The following OOEP variants were observed in gnomAD, a reference collection of about 807,000 sequenced individuals.
The protein encoded by OOEP is oocyte expressed protein, also known as oocyte-expressed protein homolog.
Under a neutral mutation model 13.7 loss-of-function variants are expected in OOEP, and 16 were observed. The ratio of observed to expected loss-of-function variants is 1.16; its 90% CI spans 0.79 to 1.77. OOEP has a LOEUF of 1.77. Ranked by LOEUF, OOEP falls within the 40% of genes most tolerant of loss-of-function variation. The pLI is 0.00. For synonymous variants in OOEP, 89 were observed against 77.1 expected, an observed-to-expected ratio of 1.15 and a Z score of -0.81; for missense variants, 195 against 193.1, an observed-to-expected ratio of 1.01 and a Z score of -0.06.
At chr6:73,394,354 G>A (rs749525825) in exon 2 of OOEP, 48 of 715,362 alleles carry the variant, frequency 6.7e-5, no homozygotes, top group Admixed American at 3.0e-4. Context: ...ACCTTTATGG[G>A]TCACGGTTGA....
At chr6:73,381,575 T>G (rs1769209330) in intron 2 of OOEP, among the ~76,000 whole-genome samples, 1 of 152,212 alleles carries the variant, frequency 6.6e-6, no homozygotes, top group African/African-American at 2.4e-5. Context: ...GACACTACTT[T>G]GCATAGGACT....
At chr6:73,373,386 A>G (rs1582624818), upstream of OOEP, 4 of 973,180 alleles carry the variant, frequency 4.1e-6, no homozygotes, top group East Asian at 1.0e-4. Context: ...GTGCAGTGGC[A>G]CGATCTCAGC....
At chr6:73,368,987 C>A (rs1308022280) in intron 2 of OOEP, 124 bp from the exon 3 acceptor site, 2 of 850,922 alleles carry the variant, frequency 2.4e-6, no homozygotes, top group South Asian at 1.5e-5. Context: ...CCAGGTGAGG[C>A]TGACTTGGGC....
chr6:73,378,137 C>G (rs1769157995), intron 2 of OOEP, among the ~76,000 whole-genome samples: 1 of 151,226 alleles, frequency 6.6e-6, no homozygotes. Context: ...GTATCTCACT[C>G]TGACACCCAG....
intron 2 of OOEP, among the ~76,000 whole-genome samples, chr6:73,380,535 AACT>A (rs1433604397): frequency 6.6e-6 from 1 of 152,178 alleles, no homozygotes; most frequent in Non-Finnish European, 1.5e-5. Context: ...AAAATTAATA[AACT>A]ACTCCCAACA....
chr6:73,394,891 C>A (rs755608861), exon 1 of OOEP: 61 of 1,613,218 alleles, frequency 3.8e-5, no homozygotes, highest in Non-Finnish European at 4.9e-5. Flanking sequence ...GTCGGACGCG[C>A]CCCTTCTTGG....
intron 2 of OOEP, among the ~76,000 whole-genome samples, chr6:73,375,542 T>C (rs1419899016): frequency 6.6e-6 from 1 of 151,604 alleles, no homozygotes; most frequent in Non-Finnish European, 1.5e-5. Flanking sequence ...ATGGCACCAT[T>C]GCACTCCAGC....
intron 2 of OOEP, among the ~76,000 whole-genome samples, chr6:73,379,285 A>G (rs945535452): frequency 1.3e-5 from 2 of 150,352 alleles, no homozygotes; most frequent in Middle Eastern, 3.4e-3. Flanking sequence ...CAGCCTCCCA[A>G]AGTGCTAGGA....
chr6:73,368,582 T>C lies in OOEP; in HGVS notation c.*202A>G, dbSNP rs1234117345. On this transcript the variant is annotated 3_prime_UTR_variant, in exon 3 of 3. Coordinates refer to ENST00000370359, the MANE Select transcript of OOEP (RefSeq NM_001080507.3). ...TTATAAATTTGCTTTATTATAAGTG[T>C]GTGAAGATCTTAATGCTTTTGGCAA... 3.8e-6 allele frequency: 2 copies of C among 526,594 alleles called. No individual in the cohort carries two copies. Among genetic ancestry groups the C allele is most frequent in the Admixed American group, 3.2e-5 (1 of 31,230 alleles). The allele number at this position is 526,594 out of a possible 1,614,324, so 32.6% of individuals were successfully genotyped here.
chr6:73,373,379 C>T (rs1315290935), upstream of OOEP: 6 of 1,035,402 alleles, frequency 5.8e-6, no homozygotes, highest in Non-Finnish European at 8.9e-6. Flanking sequence ...GGCTAGAGTG[C>T]AGTGGCACGA....
intron 2 of OOEP, among the ~76,000 whole-genome samples, chr6:73,385,023 A>G (rs1027278711): frequency 2.7e-5 from 4 of 148,488 alleles, no homozygotes; most frequent in Admixed American, 2.7e-4. Context: ...AGGTGTAGCC[A>G]CCACACCCAG....
intron 2 of OOEP, among the ~76,000 whole-genome samples, chr6:73,389,587 T>A (rs925863787): frequency 2.0e-5 from 3 of 151,926 alleles, no homozygotes; most frequent in African/African-American, 7.3e-5. Context: ...CAACTCATTT[T>A]GCTCTATGTT....
chr6:73,377,736 C>T (rs1166146891), intron 2 of OOEP, among the ~76,000 whole-genome samples: 2 of 151,756 alleles, frequency 1.3e-5, no homozygotes, highest in African/African-American at 4.8e-5. Context: ...GGCATAATCA[C>T]AGCTCACTGT....
At chr6:73,371,633 C>T (rs1201984721), upstream of OOEP, among the ~76,000 whole-genome samples, 1 of 152,070 alleles carries the variant, frequency 6.6e-6, no homozygotes, top group East Asian at 1.9e-4. Context: ...GCCTATAATC[C>T]CAGCTACTCA....
chr6:73,390,156 C>T (rs1769327618), intron 2 of OOEP, among the ~76,000 whole-genome samples: 1 of 151,956 alleles, frequency 6.6e-6, no homozygotes, highest in Admixed American at 6.6e-5. Flanking sequence ...TCCAGCCTGG[C>T]CCACAGGGAA....
rs968464345 is a variant in OOEP, at chr6:73,368,714, A to G, written c.*70T>C. The G allele has an allele frequency of 3.0e-6, 3 of 1,012,038 alleles. No individual in the cohort carries two copies. 62.7% of individuals were successfully genotyped at this position (1,012,038 alleles called of 1,614,324 possible). A position where few individuals can be genotyped will look rare whatever the true frequency, so the allele number is the denominator to read the frequency against. ...GAATACGGGGATTTAAGAATGCTATACTTGCTTTTCTTCAACTTTAGCAGC... is the reference window on the plus strand; with the variant it reads ...GAATACGGGGATTTAAGAATGCTATGCTTGCTTTTCTTCAACTTTAGCAGC... On this transcript the variant is annotated 3_prime_UTR_variant, in exon 3 of 3. Coordinates refer to ENST00000370359, the MANE Select transcript of OOEP (RefSeq NM_001080507.3).
At chr6:73,393,946 G>C (rs2150784907) in intron 2 of OOEP, among the ~76,000 whole-genome samples, 1 of 152,342 alleles carries the variant, frequency 6.6e-6, no homozygotes, top group Non-Finnish European at 1.5e-5. Context: ...TTCGTAACAA[G>C]GTTTGAGGGA....
intron 2 of OOEP, among the ~76,000 whole-genome samples, chr6:73,392,614 G>A (rs1769362433): frequency 7.4e-6 from 1 of 135,074 alleles, no homozygotes; most frequent in Non-Finnish European, 1.5e-5. Flanking sequence ...TATTTCCTAG[G>A]TAATCTTTTT....
At chr6:73,393,434 G>A (rs1769378472) in intron 2 of OOEP, among the ~76,000 whole-genome samples, 1 of 152,188 alleles carries the variant, frequency 6.6e-6, no homozygotes, top group Admixed American at 6.5e-5. Flanking sequence ...CTAATCAAAG[G>A]AGTGCACTTG....
Sources: allele counts gnomAD v4.1 joint callset (sites outside exome capture counted in the v4.1 genomes callset), GRCh38; gene constraint gnomAD v4.1.1; transcripts MANE v1.5; gene names NCBI Gene and HGNC (gene_info 2026-07-23, HGNC 2026-07-21).